Variants in DTNB observed in about 807,000 individuals in gnomAD.
DTNB encodes the protein dystrobrevin beta, also known as DTN-B.
Under a neutral mutation model 90.7 loss-of-function variants are expected in DTNB, and 63 were observed. The ratio of observed to expected loss-of-function variants is 0.69; its 90% CI spans 0.57 to 0.86. The LOEUF (loss-of-function observed/expected upper bound fraction) is 0.86, where lower values mean the gene tolerates loss of function less well. Among genes scored for constraint, DTNB ranks in the 40% least tolerant of loss-of-function variants. DTNB has a pLI of 0.00. For missense variants in DTNB, 744 were observed against 807.1 expected, an observed-to-expected ratio of 0.92 and a Z score of 0.95; for synonymous variants, 277 against 286.7, an observed-to-expected ratio of 0.97 and a Z score of 0.34.
At chr2:25,381,203 G>GTGCA (rs2037628323) in intron 19 of DTNB, among the ~76,000 whole-genome samples, 1 of 151,552 alleles carries the variant, frequency 6.6e-6, no homozygotes, top group Non-Finnish European at 1.5e-5. Context: ...GTGCATGTGC[G>GTGCA]TGTGCGTGTG....
chr2:25,538,388 GA>G (rs1225207757), intron 8 of DTNB, among the ~76,000 whole-genome samples: 1 of 152,196 alleles, frequency 6.6e-6, no homozygotes, highest in African/African-American at 2.4e-5. Context: ...CTAGGTGACA[GA>G]GTGAGACCCT....
chr2:25,529,508 A>C (rs1375636316), intron 9 of DTNB, among the ~76,000 whole-genome samples: 4 of 152,218 alleles, frequency 2.6e-5, no homozygotes, highest in Non-Finnish European at 2.9e-5. Flanking sequence ...GATTTAACAA[A>C]AAAAAAAATT....
intron 8 of DTNB, among the ~76,000 whole-genome samples, chr2:25,571,610 T>A (rs1342143782): frequency 6.6e-6 from 1 of 152,132 alleles, no homozygotes; most frequent in Non-Finnish European, 1.5e-5. Context: ...AAGGCCTATA[T>A]GACTTCCCTA....
At chr2:25,531,359 A>G in intron 9 of DTNB, 114 bp downstream of exon 9, 2 of 1,462,886 alleles carry the variant, frequency 1.4e-6, no homozygotes, top group Non-Finnish European at 9.1e-7. Context: ...AAAAGAAAGT[A>G]AAAACCTGAG....
intron 8 of DTNB, among the ~76,000 whole-genome samples, chr2:25,549,370 T>C (rs1320060100): frequency 1.3e-5 from 2 of 152,084 alleles, no homozygotes; most frequent in African/African-American, 4.8e-5. Flanking sequence ...GCTACTGTTA[T>C]CTTATAATAG....
chr2:25,496,561 G>C (rs998582392), intron 9 of DTNB, among the ~76,000 whole-genome samples: 1 of 152,042 alleles, frequency 6.6e-6, no homozygotes, highest in African/African-American at 2.4e-5. Context: ...AGATATAGTG[G>C]GGCTGGGCGC....
At chr2:25,609,959 A>G (rs1293078191) in intron 4 of DTNB, among the ~76,000 whole-genome samples, 2 of 152,242 alleles carry the variant, frequency 1.3e-5, no homozygotes, top group African/African-American at 2.4e-5. Flanking sequence ...TAAGTGCATG[A>G]AAAGACACTG....
intron 8 of DTNB, among the ~76,000 whole-genome samples, chr2:25,546,562 T>C (rs1207109289): frequency 6.6e-6 from 1 of 152,172 alleles, no homozygotes; most frequent in African/African-American, 2.4e-5. Flanking sequence ...CAAGACAGAT[T>C]TCCTACTTCA....
intron 9 of DTNB, among the ~76,000 whole-genome samples, chr2:25,525,655 A>C (rs1302237493): frequency 6.6e-6 from 1 of 152,152 alleles, no homozygotes; most frequent in Non-Finnish European, 1.5e-5. Context: ...AAGAAAAAAA[A>C]ATCCAAGGCA....
chr2:25,659,673 A>T (rs2148994733), intron 1 of DTNB, among the ~76,000 whole-genome samples: 1 of 152,286 alleles, frequency 6.6e-6, no homozygotes, highest in East Asian at 1.9e-4. Context: ...ATTCCTCAAA[A>T]GCTACAAATT....
rs1468546197 is a variant in DTNB, at chr2:25,575,241, C to A, written c.876+1597G>T. ...AAGAATTAGACTCTACACACACACA[C>A]ACAAAAAAAAAAAACCAGTGGAAAA... On this transcript the variant is annotated intron_variant, in intron 8 of 20. Coordinates refer to ENST00000406818, the MANE Select transcript of DTNB (RefSeq NM_021907.5). 1.6e-3 allele frequency among the ~76,000 whole-genome samples: 218 copies of A among 139,676 alleles called. 1 individual carries two copies. The highest frequency in any genetic ancestry group is 2.6e-3 in the Non-Finnish European group (166 of 62,894). The allele number at this position is 139,676 out of a possible 152,430, so 91.6% of individuals were successfully genotyped here.
intron 2 of DTNB, among the ~76,000 whole-genome samples, chr2:25,640,898 C>T (rs917593581): frequency 4.2e-4 from 64 of 151,740 alleles, no homozygotes; most frequent in African/African-American, 1.6e-3. Flanking sequence ...CCCAGCTACT[C>T]GGGAGGCTGA....
At chr2:25,507,780 A>G (rs867464582) in intron 9 of DTNB, among the ~76,000 whole-genome samples, 1 of 152,200 alleles carries the variant, frequency 6.6e-6, no homozygotes, top group Non-Finnish European at 1.5e-5. Flanking sequence ...AGTCCTTACA[A>G]TGGCATATAA....
At chr2:25,455,286 G>A (rs1262788041) in intron 11 of DTNB, 119 bp downstream of exon 11, 10 of 873,722 alleles carry the variant, frequency 1.1e-5, no homozygotes, top group Non-Finnish European at 1.7e-5. Context: ...AACATAGCTG[G>A]TAGCTGCTCA....
intron 8 of DTNB, among the ~76,000 whole-genome samples, chr2:25,565,534 TCTGA>T (rs1004063693): frequency 6.6e-6 from 1 of 152,144 alleles, no homozygotes; most frequent in Non-Finnish European, 1.5e-5. Flanking sequence ...TGTGAGCCAC[TCTGA>T]CTGACCACTG....
intron 10 of DTNB, among the ~76,000 whole-genome samples, chr2:25,472,294 T>C (rs923448429): frequency 6.6e-6 from 1 of 152,118 alleles, no homozygotes; most frequent in Admixed American, 6.6e-5. Flanking sequence ...AAAGCTAAGA[T>C]GAGAAGGAAG....
intron 12 of DTNB, among the ~76,000 whole-genome samples, chr2:25,434,516 T>C (rs557281983): frequency 6.6e-6 from 1 of 150,802 alleles, no homozygotes; most frequent in South Asian, 2.1e-4. Context: ...GCTCTCACCT[T>C]GGCCTCTGAG....
chr2:25,563,629 T>C (rs1191568886), intron 8 of DTNB, among the ~76,000 whole-genome samples: 2 of 152,184 alleles, frequency 1.3e-5, no homozygotes, highest in Non-Finnish European at 2.9e-5. Flanking sequence ...GTGTTTCATA[T>C]GGTATAAGGC....
chr2:25,554,375 A>T (rs936617534), intron 8 of DTNB, among the ~76,000 whole-genome samples: 2 of 148,406 alleles, frequency 1.3e-5, no homozygotes, highest in Non-Finnish European at 3.0e-5. Flanking sequence ...TCATAGTCTC[A>T]TTTTTTTTTT....
Sources: allele counts gnomAD v4.1 joint callset (sites outside exome capture counted in the v4.1 genomes callset), GRCh38; gene constraint gnomAD v4.1.1; transcripts MANE v1.5; gene names NCBI Gene and HGNC (gene_info 2026-07-23, HGNC 2026-07-21).